Variants in LOXHD1 observed in about 807,000 individuals in gnomAD.
The protein encoded by LOXHD1 is lipoxygenase homology domain-containing protein 1.
A neutral mutation model predicts 248.2 loss-of-function variants in LOXHD1; 205 were observed. The ratio of observed to expected loss-of-function variants is 0.83; its 90% confidence interval spans 0.74 to 0.93. LOXHD1 has a LOEUF of 0.93. LOXHD1 is among the 40% of genes least tolerant of loss of function. The probability of loss-of-function intolerance (pLI) is 0.00; values close to 1 mark genes in which losing one functional copy is unlikely to be tolerated. For synonymous variants in LOXHD1, 1,113 were observed against 1,162.8 expected (o/e 0.96, Z 0.87); for missense variants, 2,930 against 2,971.6 (o/e 0.99, Z 0.33).
At chr18:46,559,038 TCCACTGTTG>T in intron 20 of LOXHD1, 1 of 794,414 alleles carries the variant, frequency 1.3e-6, no homozygotes, top group Non-Finnish European at 1.9e-6. Flanking sequence ...GAGAACATCT[TCCACTGTTG>T]CCTTTATATG....
At chr18:46,482,212 A>G (rs1368432948) in intron 40 of LOXHD1, among the ~76,000 whole-genome samples, 1 of 152,254 alleles carries the variant, frequency 6.6e-6, no homozygotes, top group Non-Finnish European at 1.5e-5. Context: ...GGAAGTTGCT[A>G]TGAACAGAGT....
At chr18:46,597,205 T>C (rs1025652528) in intron 8 of LOXHD1, among the ~76,000 whole-genome samples, 1 of 152,162 alleles carries the variant, frequency 6.6e-6, no homozygotes, top group Non-Finnish European at 1.5e-5. Context: ...AAGATATCAA[T>C]TACATTTAGG....
intron 34 of LOXHD1, among the ~76,000 whole-genome samples, chr18:46,514,358 A>T (rs561161191): frequency 6.6e-6 from 1 of 152,234 alleles, no homozygotes; most frequent in South Asian, 2.1e-4. Flanking sequence ...CTCTTCTCTC[A>T]GACCACCATC....
intron 25 of LOXHD1, among the ~76,000 whole-genome samples, chr18:46,538,957 A>G (rs1192996708): frequency 1.3e-5 from 2 of 152,056 alleles, no homozygotes; most frequent in East Asian, 3.9e-4. Flanking sequence ...CACATCTTTT[A>G]TAGGGGAGAG....
intron 38 of LOXHD1, 84 bp from the exon 39 acceptor site, chr18:46,485,235 G>A (rs891859565): frequency 2.0e-5 from 30 of 1,480,538 alleles, no homozygotes; most frequent in Middle Eastern, 1.9e-4. Flanking sequence ...CACGGCCTCC[G>A]GTCCTTCATT....
chr18:46,610,731 C>G, intron 6 of LOXHD1, 45 bp downstream of exon 6: 16 of 1,505,362 alleles, frequency 1.1e-5, no homozygotes, highest in Non-Finnish European at 1.4e-5. Flanking sequence ...CAAGAAGGCC[C>G]CCCTTCCAAG....
chr18:46,540,369 T>A (rs1212609774), intron 25 of LOXHD1, among the ~76,000 whole-genome samples: 2 of 152,112 alleles, frequency 1.3e-5, no homozygotes, highest in African/African-American at 4.8e-5. Context: ...CACCTATAGG[T>A]TGAAGGGAAA....
chr18:46,516,295 C>G (rs1357611277), intron 34 of LOXHD1, among the ~76,000 whole-genome samples: 1 of 152,164 alleles, frequency 6.6e-6, no homozygotes, highest in Non-Finnish European at 1.5e-5. Context: ...TTAAAAAGCA[C>G]TTGCAACAGT....
chr18:46,547,100 A>C, intron 21 of LOXHD1, 42 bp from the exon 22 acceptor site: 1 of 1,550,762 alleles, frequency 6.4e-7, no homozygotes, highest in South Asian at 1.2e-5. Flanking sequence ...TCCTCTTAGA[A>C]AGGTCTCGTC....
chr18:46,649,358 G>T, intron 1 of LOXHD1, 89 bp from the exon 2 acceptor site: 3 of 1,139,002 alleles, frequency 2.6e-6, no homozygotes, highest in South Asian at 1.5e-5. Context: ...TTGCTGGGGA[G>T]GCCCAAGCAC....
chr18:46,494,928 A>G (rs1436750007), intron 37 of LOXHD1, among the ~76,000 whole-genome samples: 3 of 134,652 alleles, frequency 2.2e-5, no homozygotes, highest in African/African-American at 8.7e-5. Context: ...ATCTCAGCTC[A>G]CTGCAAGCTC....
chr18:46,624,398 C>G (rs1023694810), intron 4 of LOXHD1, among the ~76,000 whole-genome samples: 1 of 152,218 alleles, frequency 6.6e-6, no homozygotes, highest in Non-Finnish European at 1.5e-5. Flanking sequence ...CTCAAGCCCA[C>G]ACAGATGTGG....
Position 46,649,347 on chromosome 18 carries a change from C to T in LOXHD1, c.131-78G>A, listed in dbSNP as rs557748383. The stretch of plus-strand genomic sequence containing the variant: ...CTGTGTGGGCCTGGAGAATCCAGCC[C>T]TTGCTGGGGAGGCCCAAGCACAAAG... On this transcript the variant is annotated intron_variant, in intron 1 of 40. Coordinates refer to ENST00000642948, the MANE Select transcript of LOXHD1 (RefSeq NM_001384474.1). 8 of 1,281,916 alleles carry T rather than the reference C, an allele frequency of 6.2e-6. No individual in the cohort carries two copies. In the East Asian group the frequency reaches 1.5e-4, roughly 24 times the overall value. 79.4% of individuals were successfully genotyped at this position (1,281,916 alleles called of 1,614,324 possible).
chr18:46,515,099 T>C (rs1463350146), intron 34 of LOXHD1, among the ~76,000 whole-genome samples: 2 of 152,194 alleles, frequency 1.3e-5, no homozygotes, highest in African/African-American at 4.8e-5. Flanking sequence ...AGTGAACTGC[T>C]ATTGGCTATT....
At chr18:46,575,481 G>T (rs2037835845) in intron 14 of LOXHD1, among the ~76,000 whole-genome samples, 1 of 152,172 alleles carries the variant, frequency 6.6e-6, no homozygotes, top group Non-Finnish European at 1.5e-5. Flanking sequence ...TTAAAATAAG[G>T]TCATTAGGGT....
At chr18:46,641,239 G>A (rs1455285757) in intron 3 of LOXHD1, among the ~76,000 whole-genome samples, 1 of 152,160 alleles carries the variant, frequency 6.6e-6, no homozygotes, top group Non-Finnish European at 1.5e-5. Flanking sequence ...GGACTAAACT[G>A]AGGCTGCATT....
chr18:46,534,577 A>G, intron 26 of LOXHD1, 126 bp from the exon 27 acceptor site: 1 of 715,702 alleles, frequency 1.4e-6, no homozygotes, highest in Non-Finnish European at 2.5e-6. Context: ...ATACGTCTCC[A>G]CTATCCAGCC....
rs375249804 is a variant in LOXHD1, at chr18:46,626,312, GATTATACTTGA to G, written c.512-8033_512-8023del. Among the ~76,000 whole-genome samples the G allele has an allele frequency of 5.1e-3, 783 of 152,292 alleles. 3 individuals carry two copies. The highest frequency in any genetic ancestry group is 0.018 in the African/African-American group (744 of 41,558). Reference sequence around the variant, plus strand: ...CATGCCTGTAATCCCAACACTTTGGGATTATACTTGAAGTCAGGAGTTTGAAATCAGCCCAG... The same window carrying G: ...CATGCCTGTAATCCCAACACTTTGGGAGTCAGGAGTTTGAAATCAGCCCAG... On this transcript the variant is annotated intron_variant, in intron 4 of 40. Transcript: ENST00000642948.
intron 27 of LOXHD1, among the ~76,000 whole-genome samples, chr18:46,533,958 T>C (rs553913358): frequency 6.6e-6 from 1 of 152,324 alleles, no homozygotes; most frequent in African/African-American, 2.4e-5. Flanking sequence ...TCCATAGCTA[T>C]GGCTGAGATC....
Sources: allele counts gnomAD v4.1 joint callset (sites outside exome capture counted in the v4.1 genomes callset), GRCh38; gene constraint gnomAD v4.1.1; transcripts MANE v1.5; gene names NCBI Gene and HGNC (gene_info 2026-07-23, HGNC 2026-07-21).